Variants in KCNQ5 observed in about 807,000 individuals in gnomAD.
KCNQ5 encodes the protein potassium voltage-gated channel subfamily KQT member 5.
A neutral mutation model predicts 98.2 loss-of-function variants in KCNQ5; 30 were observed. The ratio of observed to expected loss-of-function variants is 0.31; its 90% CI spans 0.23 to 0.41. The LOEUF (loss-of-function observed/expected upper bound fraction) is 0.41. Among genes scored for constraint, KCNQ5 ranks in the 10% least tolerant of loss-of-function variants. KCNQ5 has a pLI of 1.00. For synonymous variants in KCNQ5, 458 were observed against 449.4 expected (o/e 1.02, Z -0.24); for missense variants, 835 against 1,182.5 (o/e 0.71, Z 4.31).
chr6:73,108,782 G>A (rs1019006319), intron 6 of KCNQ5, among the ~76,000 whole-genome samples: 12 of 151,976 alleles, frequency 7.9e-5, no homozygotes, highest in Non-Finnish European at 2.9e-5. Flanking sequence ...AGCCGAGATC[G>A]CTCCACTGCA....
rs141251659 is a variant in KCNQ5, at chr6:73,146,548, G to T, written c.1468+12907G>T. 6.9e-3 allele frequency among the ~76,000 whole-genome samples: 995 copies of T among 144,160 alleles called. 15 individuals are homozygous for T. Among genetic ancestry groups the T allele is most frequent in the African/African-American group, 0.025 (957 of 38,006 alleles). The allele number at this position is 144,160 out of a possible 152,430, so 94.6% of individuals were successfully genotyped here. On this transcript the variant is annotated intron_variant, in intron 10 of 13. Coordinates refer to ENST00000370398, the MANE Select transcript of KCNQ5 (RefSeq NM_019842.4). ...GCTGAGAAATGGGAGGATCTTTTGA[G>T]CCCAGGAGGTTGAGGCTGCAGTGAG... is the stretch of plus-strand genomic sequence containing the variant.
At chr6:73,029,099 TTGA>T (rs1455386486) in intron 2 of KCNQ5, among the ~76,000 whole-genome samples, 1 of 152,170 alleles carries the variant, frequency 6.6e-6, no homozygotes, top group Non-Finnish European at 1.5e-5. Context: ...TTAAGACATA[TTGA>T]TGATGTGAGC....
At chr6:72,675,061 A>T (rs1220509530) in intron 1 of KCNQ5, among the ~76,000 whole-genome samples, 1 of 152,228 alleles carries the variant, frequency 6.6e-6, no homozygotes. Flanking sequence ...ACTGTAGTTC[A>T]GTCTTTAAAA....
At chr6:72,682,917 T>C (rs1398383348) in intron 1 of KCNQ5, among the ~76,000 whole-genome samples, 1 of 152,088 alleles carries the variant, frequency 6.6e-6, no homozygotes, top group Non-Finnish European at 1.5e-5. Flanking sequence ...CTTTACGTTT[T>C]TATGTTGAAA....
chr6:73,136,066 T>C (rs1776458121), intron 10 of KCNQ5: 1 of 152,168 alleles, frequency 6.6e-6, no homozygotes, highest in Admixed American at 6.5e-5. Flanking sequence ...GGGATGCAAT[T>C]CAGCCCATAG....
intron 1 of KCNQ5, among the ~76,000 whole-genome samples, chr6:72,963,733 G>T (rs1767481420): frequency 6.6e-6 from 1 of 151,946 alleles, no homozygotes; most frequent in East Asian, 1.9e-4. Context: ...TGTGATCTTG[G>T]CTCACTGCAA....
rs181850489 is a variant in KCNQ5 at position 72,807,322 on chromosome 6, A to C, written c.398+184735A>C. On this transcript the variant is annotated intron_variant, in intron 1 of 13. Coordinates refer to ENST00000370398, the MANE Select transcript of KCNQ5 (RefSeq NM_019842.4). Reference sequence around the variant, plus strand: ...ACTTAGTATTTATTATGAAAATAACAATATAATAGTTATTTCAAAAGTAAT... The same window carrying C: ...ACTTAGTATTTATTATGAAAATAACCATATAATAGTTATTTCAAAAGTAAT... Among the ~76,000 whole-genome samples, 11 of 152,290 alleles carry C rather than the reference A, an allele frequency of 7.2e-5. No homozygotes were observed. In the East Asian group the frequency reaches 2.1e-3, roughly 29 times the overall value.
chr6:73,015,400 A>G (rs1770285156), intron 2 of KCNQ5, among the ~76,000 whole-genome samples: 1 of 152,170 alleles, frequency 6.6e-6, no homozygotes, highest in South Asian at 2.1e-4. Context: ...GGATAATAAC[A>G]TAGTAAGTTG....
chr6:72,800,874 T>C (rs1774610231), intron 1 of KCNQ5, among the ~76,000 whole-genome samples: 1 of 152,208 alleles, frequency 6.6e-6, no homozygotes, highest in African/African-American at 2.4e-5. Context: ...TGCCTTCATT[T>C]CGTTATGTAC....
chr6:73,094,281 G>C (rs554449547), intron 5 of KCNQ5, among the ~76,000 whole-genome samples: 2 of 152,042 alleles, frequency 1.3e-5, no homozygotes, highest in Admixed American at 1.3e-4. Flanking sequence ...CCTTAAGTTT[G>C]TGAGACTCCT....
At chr6:72,926,838 C>G (rs761561498) in intron 1 of KCNQ5, among the ~76,000 whole-genome samples, 2 of 152,116 alleles carry the variant, frequency 1.3e-5, no homozygotes, top group Admixed American at 1.3e-4. Flanking sequence ...GATGGACCTA[C>G]TGTTGAAAAT....
chr6:72,833,601 G>A (rs1329161133), intron 1 of KCNQ5, among the ~76,000 whole-genome samples: 1 of 152,072 alleles, frequency 6.6e-6, no homozygotes, highest in Admixed American at 6.6e-5. Flanking sequence ...CAAAAATATT[G>A]ATAGAGTTTT....
chr6:72,751,645 C>T (rs1771691292), intron 1 of KCNQ5, among the ~76,000 whole-genome samples: 3 of 151,928 alleles, frequency 2.0e-5, no homozygotes, highest in Non-Finnish European at 4.4e-5. Flanking sequence ...TGCATTTTAC[C>T]ATTGACTTTT....
Position 73,144,081 on chromosome 6 carries a change from G to C in KCNQ5, c.1468+10440G>C, listed in dbSNP as rs111332692. 4.8e-3 allele frequency among the ~76,000 whole-genome samples: 730 copies of C among 152,118 alleles called. 8 individuals are homozygous for C. The highest frequency in any genetic ancestry group is 0.017 in the African/African-American group (711 of 41,466). ...TAAAATTATATTTAATCGCTTTCAT[G>C]GTGTGCTCTACTTGGTAAAGAAGGG... On this transcript the variant is annotated intron_variant, in intron 10 of 13. Coordinates refer to ENST00000370398, the MANE Select transcript of KCNQ5 (RefSeq NM_019842.4).
intron 1 of KCNQ5, among the ~76,000 whole-genome samples, chr6:72,872,711 T>A (rs1393417119): frequency 2.6e-5 from 4 of 151,762 alleles, no homozygotes; most frequent in Non-Finnish European, 5.9e-5. Flanking sequence ...CGAGGAAAAA[T>A]TTTCATTTCG....
At chr6:73,189,427 A>G (rs1389703573) in intron 11 of KCNQ5, among the ~76,000 whole-genome samples, 1 of 152,230 alleles carries the variant, frequency 6.6e-6, no homozygotes, top group Non-Finnish European at 1.5e-5. Context: ...TTTTTAACCT[A>G]TAAAACAATT....
At chr6:72,981,141 A>C (rs369521913) in intron 1 of KCNQ5, among the ~76,000 whole-genome samples, 21 of 152,256 alleles carry the variant, frequency 1.4e-4, no homozygotes, top group East Asian at 1.2e-3. Flanking sequence ...TGTCTCTGCC[A>C]GGCTTTGGTA....
intron 1 of KCNQ5, among the ~76,000 whole-genome samples, chr6:72,735,447 C>G (rs1302629939): frequency 6.6e-6 from 1 of 152,082 alleles, no homozygotes; most frequent in Admixed American, 6.5e-5. Context: ...CAATGTTTCT[C>G]TTAAAAGAGT....
At chr6:72,672,731 T>G (rs917274044) in intron 1 of KCNQ5, among the ~76,000 whole-genome samples, 1 of 152,188 alleles carries the variant, frequency 6.6e-6, no homozygotes, top group Non-Finnish European at 1.5e-5. Flanking sequence ...AAGGACTTTG[T>G]AAAGTATTGA....
Sources: allele counts gnomAD v4.1 joint callset (sites outside exome capture counted in the v4.1 genomes callset), GRCh38; gene constraint gnomAD v4.1.1; transcripts MANE v1.5; gene names NCBI Gene and HGNC (gene_info 2026-07-23, HGNC 2026-07-21).